Variants in PDLIM5 observed in about 807,000 individuals in gnomAD.
PDLIM5 encodes PDZ and LIM domain protein 5.
In PDLIM5, 34 loss-of-function variants were observed where a neutral mutation model predicts 64.2. The observed-to-expected ratio is 0.53, with a 90% CI of 0.40 to 0.71. The LOEUF (loss-of-function observed/expected upper bound fraction) is 0.71, where lower values mean the gene tolerates loss of function less well. PDLIM5 is among the 30% of genes least tolerant of loss of function. The pLI is 0.00. For missense variants in PDLIM5, 683 were observed against 733.6 expected, an observed-to-expected ratio of 0.93 and a Z score of 0.80; for synonymous variants, 253 against 269.1, an observed-to-expected ratio of 0.94 and a Z score of 0.59.
intron 7 of PDLIM5, among the ~76,000 whole-genome samples, chr4:94,603,780 C>T (rs1292482691): frequency 3.9e-5 from 6 of 152,200 alleles, no homozygotes; most frequent in Admixed American, 3.9e-4. Flanking sequence ...ACCCCTGCTT[C>T]TCGGCTAGGC....
chr4:94,627,228 T>C (rs977055246), intron 8 of PDLIM5, among the ~76,000 whole-genome samples: 7 of 152,226 alleles, frequency 4.6e-5, no homozygotes, highest in Non-Finnish European at 8.8e-5. Flanking sequence ...CATGTAAATA[T>C]GCCCATCTCC....
At chr4:94,612,965 T>C (rs991540422) in intron 7 of PDLIM5, among the ~76,000 whole-genome samples, 1 of 151,190 alleles carries the variant, frequency 6.6e-6, no homozygotes, top group Admixed American at 6.6e-5. Flanking sequence ...TAGTATATTA[T>C]ACTTTAAATT....
intron 2 of PDLIM5, chr4:94,456,160 T>C: frequency 2.1e-6 from 1 of 474,250 alleles, no homozygotes; most frequent in Non-Finnish European, 3.5e-6. Context: ...CAAATAAATA[T>C]GAATTTCCAT....
intron 7 of PDLIM5, among the ~76,000 whole-genome samples, chr4:94,608,872 C>G (rs1170279271): frequency 6.6e-6 from 1 of 152,092 alleles, no homozygotes; most frequent in Non-Finnish European, 1.5e-5. Flanking sequence ...TAACATCTTT[C>G]TTTTCTCTCT....
At chr4:94,641,826 A>C (rs1741024942) in intron 9 of PDLIM5, among the ~76,000 whole-genome samples, 2 of 152,238 alleles carry the variant, frequency 1.3e-5, no homozygotes, top group Non-Finnish European at 2.9e-5. Flanking sequence ...TCCAAAGTCT[A>C]GAGCAGTATT....
At chr4:94,524,249 G>C (rs941970757) in intron 3 of PDLIM5, among the ~76,000 whole-genome samples, 4 of 151,572 alleles carry the variant, frequency 2.6e-5, no homozygotes, top group African/African-American at 9.7e-5. Context: ...TGTGCCTGTA[G>C]TCCCAGCTAT....
rs1347069447 is a variant in PDLIM5, at chr4:94,455,297, C to A, written c.9C>A (p.Asn3Lys). Residue 3 changes from asparagine (N) to lysine (K), a missense_variant, in exon 2 of 13, where the codon AAC (asparagine) becomes AAA (lysine). Physicochemically the swap from Asn to Lys is moderately conservative, Grantham distance 94. Transcript: ENST00000317968. ...TTTGAGCCATTAGAACCATGAGCAACTACAGTGTGTCACTGGTTGGCCCAG... is the reference window on the plus strand; with the variant it reads ...TTTGAGCCATTAGAACCATGAGCAAATACAGTGTGTCACTGGTTGGCCCAG... MS[N>K]YSVSLVGPAP... 6.2e-7 allele frequency: 1 copy of A among 1,608,176 alleles called. No individual in the cohort carries two copies. Among genetic ancestry groups the A allele is most frequent in the African/African-American group, 1.3e-5 (1 of 74,830 alleles).
At chr4:94,575,509 C>G (rs963593316) in intron 4 of PDLIM5, 107 bp from the exon 5 acceptor site, 1 of 762,844 alleles carries the variant, frequency 1.3e-6, no homozygotes, top group Non-Finnish European at 2.2e-6. Context: ...AGCTGCTAAC[C>G]TGATTGTGTT....
At chr4:94,615,458 A>G (rs1274614242) in intron 7 of PDLIM5, among the ~76,000 whole-genome samples, 1 of 152,108 alleles carries the variant, frequency 6.6e-6, no homozygotes, top group Non-Finnish European at 1.5e-5. Flanking sequence ...TTAATTATGG[A>G]TAAGATGTGG....
At chr4:94,603,945 CAG>C (rs975002792) in intron 7 of PDLIM5, among the ~76,000 whole-genome samples, 1 of 152,096 alleles carries the variant, frequency 6.6e-6, no homozygotes, top group Non-Finnish European at 1.5e-5. Flanking sequence ...TGATTTGAGA[CAG>C]AGAGATATTA....
chr4:94,662,584 T>C (rs775786803), intron 12 of PDLIM5, 47 bp downstream of exon 12: 12 of 781,190 alleles, frequency 1.5e-5, no homozygotes, highest in Admixed American at 1.3e-4. Flanking sequence ...GTATGGCCAA[T>C]TCTAGCTTTA....
chr4:94,455,353 A>G lies in PDLIM5; in HGVS notation c.65A>G (p.Lys22Arg), dbSNP rs75841704. Residue 22 changes from lysine (K) to arginine (R), a missense_variant, in exon 2 of 13, where the codon AAG becomes AGG. Physicochemically the swap from Lys to Arg is conservative, Grantham distance 26. Coordinates refer to ENST00000317968, the MANE Select transcript of PDLIM5 (RefSeq NM_006457.5). ...TGGGGTTTCCGGCTGCAGGGCGGTA[A>G]GGATTTCAACATGCCTCTGACAATC... ...APWGFRLQGG[K>R]DFNMPLTISS... 35,252 of 1,612,830 alleles carry G rather than the reference A, an allele frequency of 0.022. 474 individuals are homozygous for G. The highest frequency in any genetic ancestry group is 0.026 in the Middle Eastern group (159 of 6,058).
At chr4:94,512,393 A>G (rs1578282037) in intron 2 of PDLIM5, among the ~76,000 whole-genome samples, 1 of 152,124 alleles carries the variant, frequency 6.6e-6, no homozygotes, top group South Asian at 2.1e-4. Context: ...GTTCCCACCA[A>G]CAGTGTACAA....
At chr4:94,477,661 A>G (rs1158333952) in intron 2 of PDLIM5, among the ~76,000 whole-genome samples, 1 of 152,190 alleles carries the variant, frequency 6.6e-6, no homozygotes, top group African/African-American at 2.4e-5. Flanking sequence ...TTTTATGTAT[A>G]CAGCTGACTC....
intron 3 of PDLIM5, among the ~76,000 whole-genome samples, chr4:94,544,382 T>C (rs1040307983): frequency 6.6e-6 from 1 of 152,204 alleles, no homozygotes; most frequent in Non-Finnish European, 1.5e-5. Context: ...TAGGTACATA[T>C]TCTTTTTTGT....
intron 7 of PDLIM5, among the ~76,000 whole-genome samples, chr4:94,606,988 A>G (rs2110364247): frequency 6.6e-6 from 1 of 152,366 alleles, no homozygotes; most frequent in Admixed American, 6.5e-5. Context: ...AGGCCATACA[A>G]AGACAGGCAG....
In PDLIM5 at chr4:94,664,836, C is replaced by G. The variant is rs141426145; in HGVS notation, c.*769C>G. 1.7e-6 allele frequency: 1 copy of G among 597,870 alleles called. No individual in the cohort carries two copies. Among genetic ancestry groups the G allele is most frequent in the Non-Finnish European group, 2.1e-6 (1 of 475,920 alleles). 37.0% of individuals were successfully genotyped at this position (597,870 alleles called of 1,614,324 possible). A position where few individuals can be genotyped will look rare whatever the true frequency, so the allele number is the denominator to read the frequency against. ...AGTGAGCCAAGATCGTACCACTGCA[C>G]TCCAGCCTGGGTGACAGAGTGAGAC... On this transcript the variant is annotated 3_prime_UTR_variant, in exon 13 of 13. Coordinates refer to ENST00000317968, the MANE Select transcript of PDLIM5 (RefSeq NM_006457.5).
intron 3 of PDLIM5, among the ~76,000 whole-genome samples, chr4:94,524,930 G>A (rs1279730987): frequency 6.6e-6 from 1 of 152,142 alleles, no homozygotes; most frequent in Non-Finnish European, 1.5e-5. Flanking sequence ...GCTTTATAAT[G>A]AAGGTAGCTT....
intron 2 of PDLIM5, among the ~76,000 whole-genome samples, chr4:94,498,384 G>T (rs1727595875): frequency 6.6e-6 from 1 of 152,068 alleles, no homozygotes; most frequent in Non-Finnish European, 1.5e-5. Flanking sequence ...CACACATATG[G>T]GTCTTCTTTT....
Sources: allele counts gnomAD v4.1 joint callset (sites outside exome capture counted in the v4.1 genomes callset), GRCh38; gene constraint gnomAD v4.1.1; transcripts MANE v1.5; gene names NCBI Gene and HGNC (gene_info 2026-07-23, HGNC 2026-07-21).